Variants in DDX11 observed in about 807,000 individuals in gnomAD.
The protein encoded by DDX11 is DEAD/H-box helicase 11.
In DDX11, 72 loss-of-function variants were observed where a neutral mutation model predicts 125.2. The observed-to-expected ratio is 0.58, with a 90% CI of 0.48 to 0.70. The LOEUF (loss-of-function observed/expected upper bound fraction) is 0.70. Among genes scored for constraint, DDX11 ranks in the 30% least tolerant of loss-of-function variants. The pLI is 0.00. For synonymous variants in DDX11, 347 were observed against 452.6 expected, an observed-to-expected ratio of 0.77 and a Z score of 2.96; for missense variants, 883 against 1,165.0, an observed-to-expected ratio of 0.76 and a Z score of 3.52.
At chr12:31,093,401 ACACCTCAGTTCTCTGT>A (rs1388811883) in intron 12 of DDX11, 77 bp downstream of exon 12, 1 of 1,582,122 alleles carries the variant, frequency 6.3e-7, no homozygotes, top group Non-Finnish European at 8.6e-7. Flanking sequence ...GCCCATCAGG[ACACCTCAGTTCTCTGT>A]GTTTTTAAGA....
intron 5 of DDX11, among the ~76,000 whole-genome samples, chr12:31,086,483 G>A (rs1436821081): frequency 6.6e-6 from 1 of 151,734 alleles, no homozygotes; most frequent in African/African-American, 2.4e-5. Flanking sequence ...TTCTGCCCCT[G>A]CCCAGGGCAG....
chr12:31,092,273 C>T (rs866372590), intron 10 of DDX11, among the ~76,000 whole-genome samples: 35 of 152,030 alleles, frequency 2.3e-4, no homozygotes, highest in Admixed American at 1.2e-3. Context: ...CCCTATCATG[C>T]GCCATGCATG....
intron 1 of DDX11, 147 bp downstream of exon 1, chr12:31,074,238 T>C (rs1940367897): frequency 1.9e-5 from 2 of 106,056 alleles, no homozygotes; most frequent in Middle Eastern, 8.5e-3. Flanking sequence ...GAAGTGGGCA[T>C]TAACAGCAGC....
chr12:31,082,676 G>A (rs1417326323), intron 2 of DDX11, among the ~76,000 whole-genome samples: 1 of 151,792 alleles, frequency 6.6e-6, no homozygotes, highest in Non-Finnish European at 1.5e-5. Context: ...TCCTTGTGGC[G>A]CTCCCTGAAG....
At position 31,084,969 on chromosome 12, in the gene DDX11, A is replaced by G. The variant is rs747349091; in HGVS notation, c.481A>G (p.Arg161Gly). The G allele has an allele frequency of 2.0e-5, 32 of 1,604,704 alleles. No individual in the cohort carries two copies. Among genetic ancestry groups the G allele is most frequent in the Non-Finnish European group, 2.6e-5 (31 of 1,175,292 alleles). Residue 161 changes from arginine (R) to glycine (G), a missense_variant and splice_region_variant, in exon 5 of 27, where the codon AGG (arginine) becomes GGG (glycine). Around this residue, in one of 5 missense-constraint regions of DDX11, gnomAD observed 283 missense variants for 359.6 expected, o/e 0.79. Transcript: ENST00000542838. ...VQLKYAAKRL[R>G]QEEEERENLL... ...CACCACCTCCACTACCCCTGTCCAG[A>G]GGCAGGAAGAAGAAGAAAGAGAGAA...
At position 31,101,142 on chromosome 12, in the gene DDX11, C is replaced by G. The variant is rs1364375287; in HGVS notation, c.2052+12C>G. 6.2e-7 allele frequency: 1 copy of G among 1,611,860 alleles called. No individual in the cohort carries two copies. Among genetic ancestry groups the G allele is most frequent in the Admixed American group, 1.7e-5 (1 of 60,022 alleles). On this transcript the variant is annotated intron_variant, in intron 20 of 26. Transcript: ENST00000542838. ...AGCTGCCTCAGATGGTCAGTCCCAGCCAGCTCGCCGCACCACAGCCTGGCC... is the reference window on the plus strand; with the variant it reads ...AGCTGCCTCAGATGGTCAGTCCCAGGCAGCTCGCCGCACCACAGCCTGGCC...
At chr12:31,084,939 T>G (rs1385991493) in intron 4 of DDX11, 30 bp from the exon 5 acceptor site, 1 of 1,586,800 alleles carries the variant, frequency 6.3e-7, no homozygotes, top group African/African-American at 1.3e-5. Context: ...GACTTCTTCC[T>G]CCCTCACCAC....
intron 18 of DDX11, among the ~76,000 whole-genome samples, chr12:31,099,376 G>GCC (rs1294355222): frequency 1.3e-5 from 2 of 151,886 alleles, no homozygotes; most frequent in East Asian, 3.9e-4. Context: ...ACCACGCCTG[G>GCC]CCCATATTGG....
rs973979679 is a variant in DDX11 at position 31,102,647 on chromosome 12, C to T, written c.2372+120C>T. On this transcript the variant is annotated intron_variant, in intron 23 of 26. Transcript: ENST00000542838. Reference sequence around the variant, plus strand: ...AGCCCACAGCTGGGCTGCGACTGCTCAGACCAGCCAGCTGGAGGGAGGGGC... The same window carrying T: ...AGCCCACAGCTGGGCTGCGACTGCTTAGACCAGCCAGCTGGAGGGAGGGGC... 14 of 899,166 alleles carry T rather than the reference C, an allele frequency of 1.6e-5. No individual in the cohort carries two copies. In the African/African-American group the frequency reaches 2.3e-4, roughly 15 times the overall value. 55.7% of individuals were successfully genotyped at this position (899,166 alleles called of 1,614,324 possible).
At chr12:31,090,193 C>A (rs1592691985) in intron 9 of DDX11, 99 bp downstream of exon 9, 1 of 927,638 alleles carries the variant, frequency 1.1e-6, no homozygotes, top group East Asian at 2.7e-5. Context: ...GGATGCCCCC[C>A]ACCGTGGTCA....
chr12:31,090,114 A>T lies in DDX11; in HGVS notation c.1089+20A>T. 6.5e-7 allele frequency: 1 copy of T among 1,549,104 alleles called. No homozygotes were observed. The highest frequency in any genetic ancestry group is 1.2e-5 in the South Asian group (1 of 83,964). On this transcript the variant is annotated intron_variant, in intron 9 of 26. Transcript: ENST00000542838. ...GCCCAGGTGAGGGCCCTGCAGGGCC[A>T]GAAAGCCGCTCTTGACTCTCACTGT...
At chr12:31,087,162 C>A (rs1943306363) in intron 5 of DDX11, among the ~76,000 whole-genome samples, 1 of 148,300 alleles carries the variant, frequency 6.7e-6, no homozygotes, top group Non-Finnish European at 1.5e-5. Flanking sequence ...ATGGATTCTT[C>A]CCGCATTGCT....
At chr12:31,097,339 G>A (rs564136335) in intron 17 of DDX11, among the ~76,000 whole-genome samples, 1 of 152,168 alleles carries the variant, frequency 6.6e-6, no homozygotes, top group East Asian at 1.9e-4. Flanking sequence ...TATGAGCCTT[G>A]TGATTTGGAC....
In DDX11 at chr12:31,096,627, T is replaced by C. The variant is rs1472124710; in HGVS notation, c.1522-10T>C. The C allele has an allele frequency of 1.9e-6, 3 of 1,612,884 alleles. No homozygotes were observed. In the South Asian group the frequency reaches 3.3e-5, roughly 18 times the overall value. On this transcript the variant is annotated splice_polypyrimidine_tract_variant and intron_variant, in intron 15 of 26. Transcript: ENST00000542838. The stretch of plus-strand genomic sequence containing the variant: ...CGTTCCTCTCCACTGCTCTCTCTCA[T>C]CCCACCCAGCTCTTTGGATTCACTG...
intron 5 of DDX11, among the ~76,000 whole-genome samples, chr12:31,085,751 A>C (rs1943010134): frequency 6.6e-6 from 1 of 152,190 alleles, no homozygotes; most frequent in East Asian, 1.9e-4. Context: ...TGAGTATGGC[A>C]CTGTCCAGAT....
At chr12:31,090,584 C>T (rs1164955453) in intron 9 of DDX11, among the ~76,000 whole-genome samples, 4 of 152,172 alleles carry the variant, frequency 2.6e-5, no homozygotes, top group Non-Finnish European at 4.4e-5. Context: ...GTCTTCTCTG[C>T]CTCAACTTCT....
chr12:31,083,947 T>C lies in DDX11; in HGVS notation c.279T>C (p.Cys93=), dbSNP rs1426681594. The C allele has an allele frequency of 3.7e-6, 6 of 1,613,962 alleles. No individual in the cohort carries two copies. In the Admixed American group the frequency reaches 1.0e-4, roughly 27 times the overall value. ...PLHDEKDESL[C]LSSSCEGAAG... Reference sequence around the variant, plus strand: ...ATGATGAGAAAGATGAATCCCTGTGTCTGTCTTCTTCCTGCGAAGGGGCTG... The same window carrying C: ...ATGATGAGAAAGATGAATCCCTGTGCCTGTCTTCTTCCTGCGAAGGGGCTG... Residue 93 remains cysteine, a synonymous_variant, in exon 3 of 27, where the codon TGT becomes TGC. Transcript: ENST00000542838.
At position 31,102,435 on chromosome 12, in the gene DDX11, C is replaced by T; in HGVS notation, c.2280C>T (p.Gly760=). 1 of 1,613,968 alleles carries T rather than the reference C, an allele frequency of 6.2e-7. No homozygotes were observed. The highest frequency in any genetic ancestry group is 8.5e-7 in the Non-Finnish European group (1 of 1,179,906). The change falls in exon 23 of 27, where the codon GGC becomes GGT. Residue 760 remains glycine (G), a synonymous_variant. Transcript: ENST00000542838. The part of the protein sequence containing the change: ...LAYSRCIQAC[G]QERGQVTGAL... ...CTGGGTTTCTCCTACAGGCCTGTGG[C>T]CAGGAGAGAGGCCAGGTGACAGGGG...
At chr12:31,095,154 G>A (rs1864842038) in intron 14 of DDX11, among the ~76,000 whole-genome samples, 1 of 152,160 alleles carries the variant, frequency 6.6e-6, no homozygotes, top group Admixed American at 6.5e-5. Context: ...TGCAACCCCT[G>A]TCACGTCTTC....
Sources: gnomAD v4.1 joint callset for allele counts (sites outside exome capture counted in the v4.1 genomes callset) on GRCh38, gnomAD v4.1.1 for gene constraint, gnomAD v4.1.1 regional missense constraint, MANE v1.5 for transcripts, NCBI Gene and HGNC (gene_info 2026-07-23, HGNC 2026-07-21) for gene names.